The following SDK1 variants were observed in gnomAD, a reference collection of about 807,000 sequenced individuals.
SDK1 encodes the protein sidekick cell adhesion molecule 1.
Under a neutral mutation model 245.5 loss-of-function variants are expected in SDK1, and 157 were observed. That is an observed-to-expected ratio of 0.64 (90% CI 0.56 to 0.73). SDK1 has a LOEUF of 0.73. SDK1 is among the 30% of genes least tolerant of loss of function. The pLI, the probability that SDK1 is intolerant of heterozygous loss-of-function variation, is 0.00. For missense variants in SDK1, 3,583 were observed against 3,002.3 expected (o/e 1.19, Z -4.52); for synonymous variants, 1,647 against 1,278.5 (o/e 1.29, Z -6.15).
At chr7:3,985,722 T>C (rs961509925) in intron 13 of SDK1, among the ~76,000 whole-genome samples, 2 of 152,206 alleles carry the variant, frequency 1.3e-5, no homozygotes, top group African/African-American at 4.8e-5. Context: ...CTCGCATTTA[T>C]TCTTTATCGC....
intron 4 of SDK1, among the ~76,000 whole-genome samples, chr7:3,663,802 T>C (rs958019636): frequency 3.9e-5 from 6 of 152,170 alleles, no homozygotes; most frequent in Non-Finnish European, 8.8e-5. Context: ...GTATGGAAAG[T>C]AGAAAACTAA....
At chr7:3,860,664 G>T (rs1343982929) in intron 5 of SDK1, among the ~76,000 whole-genome samples, 1 of 152,042 alleles carries the variant, frequency 6.6e-6, no homozygotes, top group Non-Finnish European at 1.5e-5. Flanking sequence ...GGCCCAGAGA[G>T]ACATTAAAAT....
intron 4 of SDK1, among the ~76,000 whole-genome samples, chr7:3,735,921 C>T (rs1387009368): frequency 6.6e-6 from 1 of 152,132 alleles, no homozygotes; most frequent in Non-Finnish European, 1.5e-5. Flanking sequence ...GTTTTAATTC[C>T]ATTTTCCTGA....
chr7:3,975,734 A>C (rs946382685), intron 13 of SDK1, among the ~76,000 whole-genome samples: 2 of 152,206 alleles, frequency 1.3e-5, no homozygotes, highest in African/African-American at 4.8e-5. Flanking sequence ...GTACCTGAAA[A>C]ACATCCCATC....
chr7:4,167,342 G>A (rs1320538476), intron 32 of SDK1, among the ~76,000 whole-genome samples: 2 of 152,178 alleles, frequency 1.3e-5, no homozygotes, highest in East Asian at 1.9e-4. Context: ...CCAGGAGGTT[G>A]CAGTGAGCCA....
chr7:3,540,658 G>A (rs1779029247), intron 1 of SDK1, among the ~76,000 whole-genome samples: 1 of 152,194 alleles, frequency 6.6e-6, no homozygotes, highest in Non-Finnish European at 1.5e-5. Context: ...ACATTCACAT[G>A]CAGCTATTTT....
intron 4 of SDK1, among the ~76,000 whole-genome samples, chr7:3,699,512 C>G (rs575740034): frequency 2.6e-5 from 4 of 152,156 alleles, no homozygotes; most frequent in East Asian, 1.9e-4. Flanking sequence ...TGATGATGTA[C>G]TCAACAGCAG....
intron 30 of SDK1, among the ~76,000 whole-genome samples, chr7:4,157,770 C>T (rs1214556201): frequency 6.6e-6 from 1 of 152,128 alleles, no homozygotes. Context: ...GCCTCCTCTC[C>T]CAGAGCTCGT....
At chr7:4,252,266 G>T (rs1020898366) in intron 44 of SDK1, among the ~76,000 whole-genome samples, 3 of 142,444 alleles carry the variant, frequency 2.1e-5, no homozygotes. Context: ...GTCCATGTGT[G>T]CTCATTGTTC....
At chr7:3,514,525 C>A (rs138938275) in intron 1 of SDK1, among the ~76,000 whole-genome samples, 1 of 152,222 alleles carries the variant, frequency 6.6e-6, no homozygotes, top group Non-Finnish European at 1.5e-5. Context: ...AGGACTTGGG[C>A]GTCTTTGTCA....
chr7:3,857,042 G>C (rs1780564730), intron 5 of SDK1, among the ~76,000 whole-genome samples: 1 of 152,020 alleles, frequency 6.6e-6, no homozygotes, highest in Admixed American at 6.5e-5. Context: ...GAAAATGTAA[G>C]GATGGTTCAG....
At chr7:4,054,919 G>T (rs1779106329) in intron 19 of SDK1, among the ~76,000 whole-genome samples, 1 of 152,180 alleles carries the variant, frequency 6.6e-6, no homozygotes. Context: ...ATTTGCAAAT[G>T]TCAAACCAGC....
intron 4 of SDK1, among the ~76,000 whole-genome samples, chr7:3,648,673 T>C (rs2128654977): frequency 6.6e-6 from 1 of 152,340 alleles, no homozygotes; most frequent in Non-Finnish European, 1.5e-5. Context: ...TAGATCTGGT[T>C]GTAATAATGT....
rs1474183827 is a variant in SDK1 at position 3,804,249 on chromosome 7, T to C, written c.714-17201T>C. On this transcript the variant is annotated intron_variant, in intron 4 of 44. Coordinates refer to ENST00000404826, the MANE Select transcript of SDK1 (RefSeq NM_152744.4). ...AAATATATTTATGATGTTTTATGGG[T>C]TTATTTTTGTATTCAGTTATATGAG... Among the ~76,000 whole-genome samples, 8 of 152,328 alleles carry C rather than the reference T, an allele frequency of 5.3e-5. No homozygotes were observed. The East Asian group carries it at 1.5e-3, about 29-fold the overall frequency.
At chr7:3,778,713 C>G (rs976493658) in intron 4 of SDK1, among the ~76,000 whole-genome samples, 8 of 152,176 alleles carry the variant, frequency 5.3e-5, no homozygotes, top group African/African-American at 1.9e-4. Context: ...ACAGAGTATA[C>G]TTGGCGGAAT....
chr7:3,649,533 C>G (rs978835729), intron 4 of SDK1, among the ~76,000 whole-genome samples: 2 of 151,950 alleles, frequency 1.3e-5, no homozygotes, highest in Admixed American at 6.6e-5. Flanking sequence ...CTTTTTCTAG[C>G]TTCATTCATT....
intron 14 of SDK1, among the ~76,000 whole-genome samples, chr7:4,009,019 G>A (rs895969735): frequency 4.6e-5 from 7 of 152,186 alleles, no homozygotes; most frequent in African/African-American, 9.7e-5. Flanking sequence ...GAACAACCGC[G>A]AAATGGGGCG....
At chr7:3,895,190 C>G (rs1781571013) in intron 5 of SDK1, among the ~76,000 whole-genome samples, 1 of 152,150 alleles carries the variant, frequency 6.6e-6, no homozygotes, top group Non-Finnish European at 1.5e-5. Context: ...GGGCTTGGTA[C>G]CCATAGAGTC....
At chr7:3,535,869 A>G (rs1470495117) in intron 1 of SDK1, among the ~76,000 whole-genome samples, 1 of 152,208 alleles carries the variant, frequency 6.6e-6, no homozygotes, top group Non-Finnish European at 1.5e-5. Context: ...ATAAATCATT[A>G]TCCAGGCACT....
Sources: gnomAD v4.1 joint callset for allele counts (sites outside exome capture counted in the v4.1 genomes callset) on GRCh38, gnomAD v4.1.1 for gene constraint, MANE v1.5 for transcripts, NCBI Gene and HGNC (gene_info 2026-07-23, HGNC 2026-07-21) for gene names.